Variants in GRM8 observed in about 807,000 individuals in gnomAD.
GRM8 encodes the protein glutamate metabotropic receptor 8.
In GRM8, 47 loss-of-function variants were observed where a neutral mutation model predicts 87.2. The ratio of observed to expected loss-of-function variants is 0.54; its 90% confidence interval spans 0.43 to 0.69. The LOEUF (loss-of-function observed/expected upper bound fraction) is 0.69. Among genes scored for constraint, GRM8 ranks in the 30% least tolerant of loss-of-function variants. The pLI is 0.00. For synonymous variants in GRM8, 396 were observed against 404.5 expected, an observed-to-expected ratio of 0.98 and a Z score of 0.25; for missense variants, 1,019 against 1,139.2, an observed-to-expected ratio of 0.89 and a Z score of 1.52.
rs111571519 is a variant in GRM8 at position 127,233,263 on chromosome 7, T to C, written c.510+9432A>G. Among the ~76,000 whole-genome samples, 662 of 152,290 alleles carry C rather than the reference T, an allele frequency of 4.3e-3. 4 individuals are homozygous for C. Among genetic ancestry groups the C allele is most frequent in the Non-Finnish European group, 7.0e-3 (475 of 68,030 alleles). ...ACTACAGAGCCCAACCTATTTCATA[T>C]AATTCATATTAATCTATTTTACTCA... On this transcript the variant is annotated intron_variant, in intron 2 of 10. Transcript: ENST00000339582.
At chr7:126,986,814 T>G (rs1276411403) in intron 3 of GRM8, among the ~76,000 whole-genome samples, 2 of 152,344 alleles carry the variant, frequency 1.3e-5, no homozygotes, top group South Asian at 4.1e-4. Context: ...GGAAAATGTT[T>G]AATTGTGTTT....
chr7:126,639,007 G>C (rs1802116997), intron 7 of GRM8, among the ~76,000 whole-genome samples: 1 of 152,094 alleles, frequency 6.6e-6, no homozygotes, highest in African/African-American at 2.4e-5. Flanking sequence ...TAGCCACGTG[G>C]TCCACTGGAG....
chr7:126,839,435 C>T (rs1048511957), intron 6 of GRM8, among the ~76,000 whole-genome samples: 2 of 152,140 alleles, frequency 1.3e-5, no homozygotes, highest in African/African-American at 4.8e-5. Flanking sequence ...CAGACTCAAA[C>T]TCAGGGGTCT....
rs1206967504 is a variant in GRM8, at chr7:126,609,381, G to A, written c.1475C>T (p.Thr492Ile). 1.2e-6 allele frequency: 2 copies of A among 1,613,300 alleles called. No individual in the cohort carries two copies. Among genetic ancestry groups the A allele is most frequent in the African/African-American group, 1.3e-5 (1 of 74,910 alleles). Reference sequence around the variant, plus strand: ...ACTTGCTTTTAGATGAAGCTGATTGGTCCAGTGGCCGATGACTTTGTACTC... The same window carrying A: ...ACTTGCTTTTAGATGAAGCTGATTGATCCAGTGGCCGATGACTTTGTACTC... ...STEYKVIGHW[T>I]NQLHLKVEDM... is the part of the protein sequence containing the mutation. The change falls in exon 8 of 11, where the codon ACC becomes ATC. Residue 492 changes from threonine to isoleucine, a missense_variant. Thr to Ile is a moderately conservative substitution (Grantham distance 89, BLOSUM62 -1). Transcript: ENST00000339582.
At chr7:126,580,849 A>G (rs2151011694) in intron 8 of GRM8, among the ~76,000 whole-genome samples, 1 of 152,266 alleles carries the variant, frequency 6.6e-6, no homozygotes. Context: ...AATATTCTTC[A>G]AATAAAAAGG....
chr7:127,079,072 T>C (rs1822580253), intron 3 of GRM8, among the ~76,000 whole-genome samples: 1 of 152,198 alleles, frequency 6.6e-6, no homozygotes, highest in East Asian at 1.9e-4. Flanking sequence ...ATTGAAGTAT[T>C]AGGCAATGAC....
At chr7:126,664,143 C>A (rs1467154381) in intron 7 of GRM8, among the ~76,000 whole-genome samples, 1 of 152,054 alleles carries the variant, frequency 6.6e-6, no homozygotes, top group Admixed American at 6.6e-5. Flanking sequence ...AGAGATGACA[C>A]AAACAAAACA....
At chr7:126,578,463 T>C (rs1444157675) in intron 8 of GRM8, among the ~76,000 whole-genome samples, 2 of 152,208 alleles carry the variant, frequency 1.3e-5, no homozygotes, top group African/African-American at 4.8e-5. Context: ...GTGTGTCTGC[T>C]AGCTCCATGA....
At position 126,939,142 on chromosome 7, in the gene GRM8, C is replaced by G. The variant is rs575346337; in HGVS notation, c.728-34459G>C. Among the ~76,000 whole-genome samples, 650 of 152,226 alleles carry G rather than the reference C, an allele frequency of 4.3e-3. 1 individual carries two copies. The highest frequency in any genetic ancestry group is 0.01 in the Middle Eastern group (3 of 294). ...ATTGTTCTATGAGACTGACCTCTTT[C>G]TCAGGTTGGCAAGCCATAAAATGCC... On this transcript the variant is annotated intron_variant, in intron 3 of 10. Coordinates refer to ENST00000339582, the MANE Select transcript of GRM8 (RefSeq NM_000845.3).
At chr7:126,972,486 A>C (rs1325502060) in intron 3 of GRM8, among the ~76,000 whole-genome samples, 2 of 151,952 alleles carry the variant, frequency 1.3e-5, no homozygotes, top group Non-Finnish European at 2.9e-5. Context: ...TTAATTCCTT[A>C]ATGTCAATCA....
Position 126,527,086 on chromosome 7 carries a change from C to T in GRM8, c.2430+5866G>A, listed in dbSNP as rs144896371. Reference sequence around the variant, plus strand: ...AAAATGTTATATAGTTGGCTGGGCGCGGTGGCTCACGCCTGTAATCCCAGC... The same window carrying T: ...AAAATGTTATATAGTTGGCTGGGCGTGGTGGCTCACGCCTGTAATCCCAGC... On this transcript the variant is annotated intron_variant, in intron 9 of 10. Coordinates refer to ENST00000339582, the MANE Select transcript of GRM8 (RefSeq NM_000845.3). Among the ~76,000 whole-genome samples, 407 of 152,268 alleles carry T rather than the reference C, an allele frequency of 2.7e-3. 3 individuals are homozygous for T. Among genetic ancestry groups the T allele is most frequent in the African/African-American group, 9.3e-3 (386 of 41,546 alleles).
intron 2 of GRM8, among the ~76,000 whole-genome samples, chr7:127,214,025 T>C (rs1268717686): frequency 1.3e-5 from 2 of 152,198 alleles, no homozygotes; most frequent in Non-Finnish European, 2.9e-5. Context: ...AGTATAACTA[T>C]ATGGAAAAAT....
intron 6 of GRM8, among the ~76,000 whole-genome samples, chr7:126,770,471 C>A (rs1050567778): frequency 3.3e-5 from 5 of 152,064 alleles, no homozygotes; most frequent in African/African-American, 1.2e-4. Flanking sequence ...AAAGTAAGGT[C>A]TTTCACCACC....
chr7:126,657,024 T>C (rs4236623), intron 7 of GRM8, among the ~76,000 whole-genome samples: 86,164 of 152,046 alleles, frequency 0.57, 26,320 homozygotes, highest in African/African-American at 0.8. Context: ...TACAGCAATT[T>C]ATATTTACTG....
In GRM8 at chr7:127,154,905, T is replaced by C. The variant is rs577795518; in HGVS notation, c.511-48193A>G. Among the ~76,000 whole-genome samples, 9 of 152,256 alleles carry C rather than the reference T, an allele frequency of 5.9e-5. No homozygotes were observed. In the East Asian group the frequency reaches 1.4e-3, roughly 23 times the overall value. On this transcript the variant is annotated intron_variant, in intron 2 of 10. Coordinates refer to ENST00000339582, the MANE Select transcript of GRM8 (RefSeq NM_000845.3). ...AGGTTCATATTGATTTAAAGATGTA[T>C]AAAATATAACAAAAGACATGCGGGT...
intron 2 of GRM8, among the ~76,000 whole-genome samples, chr7:127,216,535 C>CAAAAAAAA (rs796757040): frequency 3.4e-5 from 4 of 115,958 alleles, no homozygotes; most frequent in Non-Finnish European, 5.2e-5. Context: ...AAAAAAAAAA[C>CAAAAAAAA]AAAAAAAAAA....
At chr7:127,187,097 C>T (rs981127784) in intron 2 of GRM8, among the ~76,000 whole-genome samples, 2 of 152,168 alleles carry the variant, frequency 1.3e-5, no homozygotes, top group Non-Finnish European at 2.9e-5. Context: ...CATCCATCTC[C>T]TCAGACAGTG....
At chr7:126,460,723 C>A (rs1584687503) in intron 9 of GRM8, among the ~76,000 whole-genome samples, 3 of 151,542 alleles carry the variant, frequency 2.0e-5, no homozygotes, top group African/African-American at 7.3e-5. Context: ...GAGCTAAATA[C>A]AAGAGAGTGA....
At chr7:126,688,198 A>C (rs73720739) in intron 7 of GRM8, among the ~76,000 whole-genome samples, 7,686 of 152,290 alleles carry the variant, frequency 0.05, 594 homozygotes, top group African/African-American at 0.16. Context: ...CAGGGTATTA[A>C]GAAATACAGA....
Sources: allele counts gnomAD v4.1 joint callset (sites outside exome capture counted in the v4.1 genomes callset), GRCh38; gene constraint gnomAD v4.1.1; transcripts MANE v1.5; gene names NCBI Gene and HGNC (gene_info 2026-07-23, HGNC 2026-07-21).